Variants in SYNPO2 observed in about 807,000 individuals in gnomAD.
SYNPO2 encodes synaptopodin-2.
A neutral mutation model predicts 85.0 loss-of-function variants in SYNPO2; 56 were observed. The observed-to-expected ratio is 0.66, with a 90% CI of 0.53 to 0.82. The LOEUF is 0.82. Ranked by LOEUF, SYNPO2 falls within the 40% of genes least tolerant of loss-of-function variation. The pLI, the probability that SYNPO2 is intolerant of heterozygous loss-of-function variation, is 0.00. For synonymous variants in SYNPO2, 602 were observed against 591.1 expected (o/e 1.02, Z -0.27); for missense variants, 1,575 against 1,534.2 (o/e 1.03, Z -0.44).
chr4:119,004,792 G>A (rs1048425553), intron 1 of SYNPO2, among the ~76,000 whole-genome samples: 6 of 151,908 alleles, frequency 3.9e-5, no homozygotes, highest in Non-Finnish European at 8.8e-5. Flanking sequence ...GATCCCTGAG[G>A]AATCGCCACA....
intron 1 of SYNPO2, among the ~76,000 whole-genome samples, chr4:119,014,195 G>A (rs1737439533): frequency 6.6e-6 from 1 of 152,162 alleles, no homozygotes; most frequent in African/African-American, 2.4e-5. Flanking sequence ...GGCCAAGGAG[G>A]GTGGATCATT....
rs551760887 is a variant in SYNPO2, at chr4:119,059,146, G to A, written c.*1212G>A. 1.3e-5 allele frequency: 2 copies of A among 152,324 alleles called. No homozygotes were observed. The highest frequency in any genetic ancestry group is 2.9e-5 in the Non-Finnish European group (2 of 68,026). 9.4% of individuals were successfully genotyped at this position (152,324 alleles called of 1,614,324 possible). A position where few individuals can be genotyped will look rare whatever the true frequency, so the allele number is the denominator to read the frequency against. On this transcript the variant is annotated 3_prime_UTR_variant, in exon 5 of 5. Transcript: ENST00000307142. ...TTTAGGAGTGGATTAGGTAATTAGTGTCACTACATGTATCATTAAAGGTCC... is the reference window on the plus strand; with the variant it reads ...TTTAGGAGTGGATTAGGTAATTAGTATCACTACATGTATCATTAAAGGTCC...
At chr4:118,958,507 G>A (rs1479031442) in intron 1 of SYNPO2, among the ~76,000 whole-genome samples, 8 of 152,120 alleles carry the variant, frequency 5.3e-5, no homozygotes, top group Non-Finnish European at 1.0e-4. Flanking sequence ...TTAAGTTACT[G>A]TGTTTACCCG....
intron 1 of SYNPO2, among the ~76,000 whole-genome samples, chr4:118,879,418 TA>T (rs1732022911): frequency 2.0e-5 from 3 of 152,150 alleles, no homozygotes; most frequent in Admixed American, 2.0e-4. Flanking sequence ...TGTGCGAAGG[TA>T]ATTAGCTCAT....
chr4:118,929,194 G>A (rs1362469716), intron 1 of SYNPO2, among the ~76,000 whole-genome samples: 21 of 151,898 alleles, frequency 1.4e-4, no homozygotes, highest in Admixed American at 1.3e-3. Context: ...AGAGAGAAAG[G>A]AAGAGGAGAA....
chr4:118,978,885 T>C (rs1295780111), intron 1 of SYNPO2, among the ~76,000 whole-genome samples: 1 of 151,996 alleles, frequency 6.6e-6, no homozygotes, highest in Non-Finnish European at 1.5e-5. Flanking sequence ...AGGACTCCCT[T>C]GTCCAACTTA....
At chr4:118,958,931 A>G (rs1734973916) in intron 1 of SYNPO2, among the ~76,000 whole-genome samples, 1 of 152,080 alleles carries the variant, frequency 6.6e-6, no homozygotes, top group African/African-American at 2.4e-5. Flanking sequence ...CATAAATCCA[A>G]TTTTACTTTG....
intron 1 of SYNPO2, among the ~76,000 whole-genome samples, chr4:118,854,326 T>C (rs1242690027): frequency 6.6e-6 from 1 of 152,240 alleles, no homozygotes; most frequent in Non-Finnish European, 1.5e-5. Context: ...AGTTTTCTTG[T>C]AAACATATAA....
chr4:118,934,359 T>A (rs989587106), intron 1 of SYNPO2, among the ~76,000 whole-genome samples: 1 of 152,184 alleles, frequency 6.6e-6, no homozygotes, highest in Non-Finnish European at 1.5e-5. Flanking sequence ...GCTGACTTCA[T>A]TCTAGGCAAG....
chr4:119,022,726 TTTTATTTTATTTTA>T (rs1274160173), intron 1 of SYNPO2, among the ~76,000 whole-genome samples: 5 of 144,082 alleles, frequency 3.5e-5, no homozygotes, highest in Non-Finnish European at 4.6e-5. Context: ...TTTATTTTAA[TTTTATTTTATTTTA>T]TGTTTTATTT....
chr4:119,013,845 A>G (rs1206876944), intron 1 of SYNPO2, among the ~76,000 whole-genome samples: 2 of 152,256 alleles, frequency 1.3e-5, no homozygotes, highest in African/African-American at 4.8e-5. Context: ...AAAATGCAAA[A>G]TGGACCAATA....
At chr4:118,915,034 A>G (rs1733267124) in intron 1 of SYNPO2, among the ~76,000 whole-genome samples, 1 of 151,458 alleles carries the variant, frequency 6.6e-6, no homozygotes, top group Admixed American at 6.6e-5. Context: ...AGAAAAATCA[A>G]TGAATAAGGT....
chr4:118,934,305 G>A (rs1386306033), intron 1 of SYNPO2, among the ~76,000 whole-genome samples: 1 of 152,136 alleles, frequency 6.6e-6, no homozygotes, highest in Non-Finnish European at 1.5e-5. Flanking sequence ...ATGTGATCAG[G>A]TCCAGGTCTT....
intron 1 of SYNPO2, among the ~76,000 whole-genome samples, chr4:118,859,738 C>T (rs570732100): frequency 6.6e-6 from 1 of 152,192 alleles, no homozygotes; most frequent in Non-Finnish European, 1.5e-5. Context: ...TTGCAAATGA[C>T]TGGATTTCAT....
At chr4:118,982,017 C>G (rs1484136695) in intron 1 of SYNPO2, among the ~76,000 whole-genome samples, 2 of 152,092 alleles carry the variant, frequency 1.3e-5, no homozygotes, top group Non-Finnish European at 2.9e-5. Context: ...AATACATAAC[C>G]TAAGGAGGAA....
At chr4:118,970,430 C>G (rs1048685514) in intron 1 of SYNPO2, among the ~76,000 whole-genome samples, 1 of 152,176 alleles carries the variant, frequency 6.6e-6, no homozygotes. Flanking sequence ...AACTCTGTCC[C>G]TTAGTACTCT....
chr4:118,915,278 C>T (rs1293121144), intron 1 of SYNPO2, among the ~76,000 whole-genome samples: 2 of 152,096 alleles, frequency 1.3e-5, no homozygotes, highest in Non-Finnish European at 2.9e-5. Context: ...ACGACCTCAA[C>T]CCCAATATTA....
intron 1 of SYNPO2, among the ~76,000 whole-genome samples, chr4:118,991,681 C>A (rs1257519668): frequency 6.6e-6 from 1 of 152,046 alleles, no homozygotes; most frequent in Non-Finnish European, 1.5e-5. Context: ...TGCAGAGATG[C>A]CTGAATGGTG....
intron 1 of SYNPO2, among the ~76,000 whole-genome samples, chr4:119,020,965 T>C (rs12508627): frequency 0.034 from 2,717 of 80,840 alleles, 184 homozygotes; most frequent in East Asian, 0.28. Flanking sequence ...GACTTTCTTA[T>C]AGTCTTGGAA....
Sources: allele counts gnomAD v4.1 joint callset (sites outside exome capture counted in the v4.1 genomes callset), GRCh38; gene constraint gnomAD v4.1.1; transcripts MANE v1.5; gene names NCBI Gene and HGNC (gene_info 2026-07-23, HGNC 2026-07-21).